The following EML6 variants were observed in gnomAD, a reference collection of about 807,000 sequenced individuals.
The protein encoded by EML6 is echinoderm microtubule-associated protein-like 6.
In EML6, 154 loss-of-function variants were observed where a neutral mutation model predicts 240.1. That is an observed-to-expected ratio of 0.64 (90% CI 0.56 to 0.73). The LOEUF (loss-of-function observed/expected upper bound fraction) is 0.73. Among genes scored for constraint, EML6 ranks in the 30% least tolerant of loss-of-function variants. The pLI is 0.00. For missense variants in EML6, 2,964 were observed against 2,474.6 expected, an observed-to-expected ratio of 1.20 and a Z score of -4.20; for synonymous variants, 1,148 against 899.0, an observed-to-expected ratio of 1.28 and a Z score of -4.95.
In EML6 at chr2:54,838,054, C is replaced by G. The variant is rs186992352; in HGVS notation, c.848-5993C>G. Among the ~76,000 whole-genome samples the G allele has an allele frequency of 8.2e-4, 125 of 152,300 alleles. 1 individual carries two copies. The highest frequency in any genetic ancestry group is 2.4e-3 in the African/African-American group (99 of 41,582). On this transcript the variant is annotated intron_variant, in intron 7 of 41. Transcript: ENST00000356458. Reference sequence around the variant, plus strand: ...TTCTCTTTGTGTGCTGGAACATAGCCTTTTCCTCTGTGAGTTTGCAGTGCC... The same window carrying G: ...TTCTCTTTGTGTGCTGGAACATAGCGTTTTCCTCTGTGAGTTTGCAGTGCC...
Position 54,866,777 on chromosome 2 carries a change from A to AG in EML6, c.1945dup (p.Asp649GlyfsTer10). Reference sequence around the variant, plus strand: ...TGTTGTACTTTAAGGTTTACAAAGAAGATCTACCTCAGCTAAAGCAACAAA... The same window carrying AG: ...TGTTGTACTTTAAGGTTTACAAAGAAGGATCTACCTCAGCTAAAGCAACAAA... On this transcript the variant is annotated frameshift_variant, in exon 14 of 42. Transcript: ENST00000356458. LOFTEE classifies it high-confidence loss of function. 1 of 1,549,312 alleles carries AG rather than the reference A, an allele frequency of 6.5e-7. No individual in the cohort carries two copies. The highest frequency in any genetic ancestry group is 8.7e-7 in the Non-Finnish European group (1 of 1,144,958).
Position 54,810,756 on chromosome 2 carries a change from C to A in EML6, c.198-2476C>A, listed in dbSNP as rs145783462. Among the ~76,000 whole-genome samples, 704 of 152,222 alleles carry A rather than the reference C, an allele frequency of 4.6e-3. 6 individuals are homozygous for A. The highest frequency in any genetic ancestry group is 0.016 in the African/African-American group (674 of 41,540). ...AATGCCTACTCTGCTGTATGATGTTCCAGGAACTGTTTAGAGTGATGGAAG... is the reference window on the plus strand; with the variant it reads ...AATGCCTACTCTGCTGTATGATGTTACAGGAACTGTTTAGAGTGATGGAAG... On this transcript the variant is annotated intron_variant, in intron 2 of 41. Coordinates refer to ENST00000356458, the MANE Select transcript of EML6 (RefSeq NM_001039753.4).
intron 2 of EML6, among the ~76,000 whole-genome samples, chr2:54,767,597 A>AGT (rs111232633): frequency 0.048 from 6,983 of 145,432 alleles, 231 homozygotes; most frequent in East Asian, 0.21. Context: ...TGGTATGAAG[A>AGT]GTGTGTGTGT....
chr2:54,939,247 C>G (rs1675304010), intron 28 of EML6, among the ~76,000 whole-genome samples: 1 of 152,230 alleles, frequency 6.6e-6, no homozygotes, highest in African/African-American at 2.4e-5. Context: ...AGCGCTCAGG[C>G]TGCAGCATTC....
rs1156364729 is a variant in EML6, at chr2:54,850,174, A to G, written c.1400A>G (p.Gln467Arg). Residue 467 changes from glutamine to arginine, a missense_variant, in exon 10 of 42, where the codon CAA (glutamine) becomes CGA (arginine). Physicochemically the swap from Gln to Arg is conservative, Grantham distance 43. Transcript: ENST00000356458. ...TGGTCCTTGGATAGTAAATACTTAC[A>G]AACTAATGACGGTGCAGGAGAACGA... The part of the protein sequence containing the change: ...IDWSLDSKYL[Q>R]TNDGAGERLF... The G allele has an allele frequency of 1.7e-5, 26 of 1,551,708 alleles. No homozygotes were observed. The highest frequency in any genetic ancestry group is 2.2e-5 in the Non-Finnish European group (25 of 1,146,932).
chr2:54,877,628 A>C (rs902346970), intron 16 of EML6, among the ~76,000 whole-genome samples: 1 of 152,212 alleles, frequency 6.6e-6, no homozygotes, highest in African/African-American at 2.4e-5. Flanking sequence ...CTAAATGCTA[A>C]AGAGGGACCT....
At chr2:54,862,979 T>G (rs994574741) in intron 12 of EML6, among the ~76,000 whole-genome samples, 2 of 152,204 alleles carry the variant, frequency 1.3e-5, no homozygotes, top group African/African-American at 4.8e-5. Flanking sequence ...TAAGTGGCCT[T>G]CAGAATGGGG....
intron 26 of EML6, among the ~76,000 whole-genome samples, chr2:54,928,013 G>C (rs1458667640): frequency 6.6e-6 from 1 of 152,226 alleles, no homozygotes; most frequent in Non-Finnish European, 1.5e-5. Context: ...CAGCACATTT[G>C]ACATTTGAGA....
At chr2:54,851,659 G>A (rs1315019245) in intron 10 of EML6, among the ~76,000 whole-genome samples, 1 of 152,162 alleles carries the variant, frequency 6.6e-6, no homozygotes, top group East Asian at 1.9e-4. Flanking sequence ...TTCATGACCT[G>A]TTTAGTTCAT....
At chr2:54,826,517 T>TTG (rs1668601093) in intron 5 of EML6, among the ~76,000 whole-genome samples, 2 of 152,142 alleles carry the variant, frequency 1.3e-5, no homozygotes, top group Non-Finnish European at 2.9e-5. Context: ...GGAGAATCGC[T>TTG]TGAACCCAGG....
intron 2 of EML6, among the ~76,000 whole-genome samples, chr2:54,794,323 T>C (rs1669635716): frequency 6.6e-6 from 1 of 152,188 alleles, no homozygotes; most frequent in African/African-American, 2.4e-5. Context: ...AAAACACCAA[T>C]TCATGGATTT....
intron 5 of EML6, among the ~76,000 whole-genome samples, chr2:54,823,320 G>A (rs891837888): frequency 2.0e-5 from 3 of 152,160 alleles, no homozygotes; most frequent in Admixed American, 6.5e-5. Flanking sequence ...AACTAGGCGA[G>A]GGGTTGCACT....
chr2:54,859,007 T>TA (rs2103821505), intron 11 of EML6, among the ~76,000 whole-genome samples: 1 of 152,332 alleles, frequency 6.6e-6, no homozygotes, highest in South Asian at 2.1e-4. Context: ...TTTACTACTG[T>TA]AGTTCAACCA....
intron 17 of EML6, among the ~76,000 whole-genome samples, chr2:54,888,158 G>T (rs1672257532): frequency 6.6e-6 from 1 of 152,180 alleles, no homozygotes; most frequent in South Asian, 2.1e-4. Flanking sequence ...TCTCGAGCTG[G>T]GGGCTGGGGC....
intron 2 of EML6, among the ~76,000 whole-genome samples, chr2:54,804,192 A>G (rs1456617143): frequency 6.6e-6 from 1 of 152,254 alleles, no homozygotes; most frequent in Non-Finnish European, 1.5e-5. Flanking sequence ...AGATGGATTC[A>G]TTAATGACTT....
At chr2:54,819,338 TA>T (rs1394387814) in intron 4 of EML6, among the ~76,000 whole-genome samples, 1 of 152,108 alleles carries the variant, frequency 6.6e-6, no homozygotes, top group Non-Finnish European at 1.5e-5. Context: ...CCAGACCCAC[TA>T]AATGAGAGCA....
chr2:54,904,990 C>T (rs1200444583), intron 24 of EML6, among the ~76,000 whole-genome samples: 1 of 152,058 alleles, frequency 6.6e-6, no homozygotes, highest in East Asian at 1.9e-4. Flanking sequence ...TTATACGGTG[C>T]AGTAGATAGA....
chr2:54,775,778 C>G (rs1391647260), intron 2 of EML6, among the ~76,000 whole-genome samples: 1 of 152,066 alleles, frequency 6.6e-6, no homozygotes, highest in Non-Finnish European at 1.5e-5. Context: ...GTACCCTGCC[C>G]TTGTGGAATG....
intron 3 of EML6, 27 bp downstream of exon 3, chr2:54,813,418 T>C (rs1203248449): frequency 2.0e-6 from 3 of 1,535,414 alleles, no homozygotes; most frequent in Admixed American, 3.9e-5. Context: ...AGTTGTTTTA[T>C]TTAATGACTT....
Sources: allele counts gnomAD v4.1 joint callset (sites outside exome capture counted in the v4.1 genomes callset), GRCh38; gene constraint gnomAD v4.1.1; transcripts MANE v1.5; gene names NCBI Gene and HGNC (gene_info 2026-07-23, HGNC 2026-07-21).